The following AP2A1 variants were observed in gnomAD, a reference collection of about 807,000 sequenced individuals.
AP2A1 encodes adaptor related protein complex 2 subunit alpha 1.
A neutral mutation model predicts 107.3 loss-of-function variants in AP2A1; 21 were observed. The observed-to-expected ratio is 0.20, with a 90% confidence interval of 0.14 to 0.28. The LOEUF (loss-of-function observed/expected upper bound fraction) is 0.28, where lower values mean the gene tolerates loss of function less well. Ranked by LOEUF, AP2A1 falls within the 10% of genes least tolerant of loss-of-function variation. The probability of loss-of-function intolerance (pLI) is 1.00; values close to 1 mark genes in which losing one functional copy is unlikely to be tolerated. For synonymous variants in AP2A1, 602 were observed against 564.8 expected (o/e 1.07, Z -0.93); for missense variants, 873 against 1,307.7 (o/e 0.67, Z 5.13).
rs566355147 is a variant in AP2A1, at chr19:49,788,435, C to T, written c.474-3500C>T. ...GTCCTTAGAGGGCTGTGGTGGGGAG[C>T]GAGCGAGCTGTGCGGGAACACTTAG... On this transcript the variant is annotated intron_variant, in intron 4 of 22. Coordinates refer to ENST00000354293, the MANE Select transcript of AP2A1 (RefSeq NM_130787.3). The surrounding 1 kb of genome is among the most constrained non-coding windows in gnomAD (Gnocchi z 4.5). Among the ~76,000 whole-genome samples the T allele has an allele frequency of 2.6e-5, 4 of 152,274 alleles. No homozygotes were observed. The highest frequency in any genetic ancestry group is 9.6e-5 in the African/African-American group (4 of 41,552).
chr19:49,782,562 C>T lies in AP2A1; in HGVS notation c.311C>T (p.Ser104Leu), dbSNP rs1480807389. The T allele has an allele frequency of 1.2e-6, 2 of 1,613,848 alleles. No homozygotes were observed. Among genetic ancestry groups the T allele is most frequent in the Non-Finnish European group, 1.7e-6 (2 of 1,179,812 alleles). ...GYLFISVLVNSNSELIRLINN... is the reference protein window; with the variant it reads ...GYLFISVLVNLNSELIRLINN... ...CTGTTCATTTCTGTGCTGGTGAACTCGAACTCGGAGCTGATCCGCCTCATC... is the reference window on the plus strand; with the variant it reads ...CTGTTCATTTCTGTGCTGGTGAACTTGAACTCGGAGCTGATCCGCCTCATC... The change falls in exon 4 of 23, where the codon TCG becomes TTG. Residue 104 changes from serine to leucine, a missense_variant. Around this residue, in one of 4 missense-constraint regions of AP2A1, gnomAD observed 87 missense variants for 178.2 expected, o/e 0.49. Transcript: ENST00000354293.
At chr19:49,799,899 C>A in intron 10 of AP2A1, 69 bp from the exon 11 acceptor site, 1 of 1,583,356 alleles carries the variant, frequency 6.3e-7, no homozygotes, top group South Asian at 1.1e-5. Context: ...CAGTGGTGAG[C>A]CCAGATCCAG....
chr19:49,774,979 T>G (rs1239062650), intron 1 of AP2A1, among the ~76,000 whole-genome samples: 1 of 151,560 alleles, frequency 6.6e-6, no homozygotes, highest in African/African-American at 2.4e-5. Flanking sequence ...ATCCCAGCAC[T>G]TTGTGGGGCC....
At chr19:49,776,504 G>A (rs1160347612) in intron 1 of AP2A1, among the ~76,000 whole-genome samples, 1 of 152,204 alleles carries the variant, frequency 6.6e-6, no homozygotes, top group Non-Finnish European at 1.5e-5. Flanking sequence ...ATCCAGGGAT[G>A]CCTCGAGAGC....
At chr19:49,786,952 G>C (rs1480196240) in intron 4 of AP2A1, among the ~76,000 whole-genome samples, 1 of 152,144 alleles carries the variant, frequency 6.6e-6, no homozygotes, top group Non-Finnish European at 1.5e-5. Context: ...CTGGAAACTT[G>C]GCCTCAGCAG....
At chr19:49,773,830 A>T (rs2084590040) in intron 1 of AP2A1, among the ~76,000 whole-genome samples, 1 of 152,176 alleles carries the variant, frequency 6.6e-6, no homozygotes, top group Admixed American at 6.5e-5. Context: ...TGGAAGAGGG[A>T]GCTGCCTGTG....
At chr19:49,802,821 T>A in intron 15 of AP2A1, 128 bp from the exon 16 acceptor site, 1 of 1,188,540 alleles carries the variant, frequency 8.4e-7, no homozygotes, top group East Asian at 2.6e-5. Context: ...TCCTCGAGGC[T>A]CTGTGAGGGG....
At chr19:49,789,762 C>T (rs563120280) in intron 4 of AP2A1, among the ~76,000 whole-genome samples, 8 of 152,106 alleles carry the variant, frequency 5.3e-5, no homozygotes, top group African/African-American at 9.7e-5. Context: ...TCCCCAAAGC[C>T]GACAAGGCTC....
chr19:49,792,732 C>T (rs1568582378), intron 5 of AP2A1, among the ~76,000 whole-genome samples: 1 of 152,188 alleles, frequency 6.6e-6, no homozygotes, highest in Non-Finnish European at 1.5e-5. Context: ...TAGAGTCTCG[C>T]CCCTTCACTG....
chr19:49,805,634 A>T lies in AP2A1; in HGVS notation c.2469-27A>T, dbSNP rs770989666. On this transcript the variant is annotated intron_variant, in intron 19 of 22. Transcript: ENST00000354293. The stretch of plus-strand genomic sequence containing the variant: ...GCCTCCGGGGTGAGGGGCGGGGCCT[A>T]ATGGAGCCTCCCTTTCACCTCATCA... The T allele has an allele frequency of 1.5e-5, 23 of 1,555,572 alleles. No individual in the cohort carries two copies. The Middle Eastern group carries it at 8.3e-4, about 56-fold the overall frequency.
intron 1 of AP2A1, 74 bp downstream of exon 1, chr19:49,767,274 AGAGG>A (rs1268135890): frequency 6.4e-7 from 1 of 1,563,554 alleles, no homozygotes; most frequent in African/African-American, 1.4e-5. Context: ...TGGGGATCAC[AGAGG>A]GACCCGGGGG....
intron 18 of AP2A1, chr19:49,803,624 G>A (rs908327707): frequency 7.5e-6 from 4 of 533,408 alleles, no homozygotes; most frequent in East Asian, 6.8e-5. Flanking sequence ...GCCTCATTTT[G>A]TCCCTGTCTG....
At position 49,767,144 on chromosome 19, in the gene AP2A1, T is replaced by C. The variant is rs1402665304; in HGVS notation, c.11T>C (p.Val4Ala). MPAVSKGDGMRGLA... is the reference protein window; with the variant it reads MPAASKGDGMRGLA... ...GACACCACCGCCATCATGCCGGCCG[T>C]GTCCAAGGGCGATGGGATGCGGGGG... The change falls in exon 1 of 23, where the codon GTG becomes GCG. Residue 4 changes from valine to alanine, a missense_variant. Physicochemically the swap from Val to Ala is moderately conservative, Grantham distance 64. Coordinates refer to ENST00000354293, the MANE Select transcript of AP2A1 (RefSeq NM_130787.3). The C allele has an allele frequency of 4.3e-6, 7 of 1,611,628 alleles. No homozygotes were observed. Among genetic ancestry groups the C allele is most frequent in the Non-Finnish European group, 5.9e-6 (7 of 1,179,652 alleles).
In AP2A1 at chr19:49,802,119, AC is replaced by A; in HGVS notation, c.2097del (p.Glu700ArgfsTer23). On this transcript the variant is annotated frameshift_variant, in exon 15 of 23. Coordinates refer to ENST00000354293, the MANE Select transcript of AP2A1 (RefSeq NM_130787.3). LOFTEE classifies it high-confidence loss of function. The stretch of plus-strand genomic sequence containing the variant: ...GGCCGCCCAGCCCAGCCTGGGGCCC[AC>A]CCCCGAGGAGGCCTTCCTCAGGTAG... ...GPAAQPSLGP[T>X]PEEAFLSPGP... 1 of 1,564,814 alleles carries A rather than the reference AC, an allele frequency of 6.4e-7. No individual in the cohort carries two copies. Among genetic ancestry groups the A allele is most frequent in the Non-Finnish European group, 8.6e-7 (1 of 1,163,866 alleles).
At chr19:49,779,415 A>G (rs1270890525) in intron 1 of AP2A1, among the ~76,000 whole-genome samples, 1 of 150,238 alleles carries the variant, frequency 6.7e-6, no homozygotes, top group Non-Finnish European at 1.5e-5. Context: ...GCTGAGGCAC[A>G]AGAATCACTG....
Position 49,783,734 on chromosome 19 carries a change from G to A in AP2A1, c.473+1010G>A, listed in dbSNP as rs183130608. Reference sequence around the variant, plus strand: ...GGTGAACCCGAGTATCGGTTTTGGGGCCCTGCAGCCTCTGGGAACAGAAGA... The same window carrying A: ...GGTGAACCCGAGTATCGGTTTTGGGACCCTGCAGCCTCTGGGAACAGAAGA... On this transcript the variant is annotated intron_variant, in intron 4 of 22. Transcript: ENST00000354293. Among the ~76,000 whole-genome samples the A allele has an allele frequency of 5.3e-5, 8 of 152,320 alleles. No individual in the cohort carries two copies. The East Asian group carries it at 1.5e-3, about 29-fold the overall frequency.
In AP2A1 at chr19:49,799,892, T is replaced by TG. The variant is rs1189979665; in HGVS notation, c.1273-74dup. 8 of 1,577,182 alleles carry TG rather than the reference T, an allele frequency of 5.1e-6. No individual in the cohort carries two copies. In the Admixed American group the frequency reaches 1.4e-4, roughly 27 times the overall value. On this transcript the variant is annotated intron_variant, in intron 10 of 22. Transcript: ENST00000354293. ...CTCCTGGGTCTCCAGATGGGGGCAG[T>TG]GGTGAGCCCAGATCCAGGTGAGTGA...
At chr19:49,803,454 G>A (rs1355669545) in intron 18 of AP2A1, 78 bp downstream of exon 18, 1 of 1,180,006 alleles carries the variant, frequency 8.5e-7, no homozygotes, top group African/African-American at 1.5e-5. Flanking sequence ...GCTGACCCAG[G>A]TCCACACTTC....
At chr19:49,791,513 C>T (rs944992449) in intron 4 of AP2A1, among the ~76,000 whole-genome samples, 2 of 152,170 alleles carry the variant, frequency 1.3e-5, no homozygotes, top group African/African-American at 4.8e-5. Flanking sequence ...AGGCGTGAGC[C>T]ACCATGCCCA....
Sources: gnomAD v4.1 joint callset for allele counts (sites outside exome capture counted in the v4.1 genomes callset) on GRCh38, gnomAD v4.1.1 for gene constraint, gnomAD v4.1.1 regional missense constraint, Gnocchi (gnomAD v3.1) non-coding constraint, MANE v1.5 for transcripts, NCBI Gene and HGNC (gene_info 2026-07-23, HGNC 2026-07-21) for gene names.